ATP8A1: variants seen among roughly 807,000 people sequenced by gnomAD.
ATP8A1 encodes ATPase phospholipid transporting 8A1, also known as phospholipid-transporting ATPase IA.
ATP8A1 carries 90 observed loss-of-function variants against 177.7 expected under a neutral mutation model. That is an observed-to-expected ratio of 0.51 (90% CI 0.43 to 0.60). The LOEUF (loss-of-function observed/expected upper bound fraction) is 0.60. ATP8A1 is among the 20% of genes least tolerant of loss of function. ATP8A1 has a pLI of 0.00. For synonymous variants in ATP8A1, 493 were observed against 485.9 expected (o/e 1.01, Z -0.19); for missense variants, 1,072 against 1,392.8 (o/e 0.77, Z 3.67).
chr4:42,424,183 T>TTTG (rs1468465114), intron 33 of ATP8A1, among the ~76,000 whole-genome samples: 1 of 152,082 alleles, frequency 6.6e-6, no homozygotes, highest in African/African-American at 2.4e-5. Flanking sequence ...ATATCTTGTA[T>TTTG]GTAAAAGCCA....
chr4:42,623,069 C>A (rs1392105697), intron 4 of ATP8A1, among the ~76,000 whole-genome samples: 2 of 148,544 alleles, frequency 1.3e-5, no homozygotes, highest in East Asian at 2.0e-4. Context: ...GGAAGACATA[C>A]ATGCGGCCAG....
At chr4:42,468,438 C>CACAG (rs1720032489) in intron 25 of ATP8A1, among the ~76,000 whole-genome samples, 1 of 151,586 alleles carries the variant, frequency 6.6e-6, no homozygotes, top group Admixed American at 6.6e-5. Context: ...TATACACACA[C>CACAG]ACACACACAC....
At chr4:42,514,492 T>C (rs1725325834) in intron 22 of ATP8A1, among the ~76,000 whole-genome samples, 1 of 152,198 alleles carries the variant, frequency 6.6e-6, no homozygotes, top group Admixed American at 6.5e-5. Flanking sequence ...GAAAAACATA[T>C]TTCCATCTTG....
At chr4:42,504,970 G>T (rs1432169396) in intron 23 of ATP8A1, among the ~76,000 whole-genome samples, 1 of 152,152 alleles carries the variant, frequency 6.6e-6, no homozygotes, top group African/African-American at 2.4e-5. Context: ...TCCTCTTTTA[G>T]GTTGTTCCTC....
chr4:42,640,591 A>G (rs1364830506), intron 1 of ATP8A1, among the ~76,000 whole-genome samples: 1 of 152,192 alleles, frequency 6.6e-6, no homozygotes, highest in Non-Finnish European at 1.5e-5. Flanking sequence ...TGTAGGCCCT[A>G]TTGTTATAAA....
chr4:42,494,454 G>A (rs1338186143), intron 24 of ATP8A1, among the ~76,000 whole-genome samples: 1 of 152,152 alleles, frequency 6.6e-6, no homozygotes, highest in Non-Finnish European at 1.5e-5. Flanking sequence ...CAGACTGGGC[G>A]ACAGAGTGAG....
intron 22 of ATP8A1, among the ~76,000 whole-genome samples, chr4:42,512,445 A>G (rs1361734197): frequency 3.3e-5 from 5 of 152,338 alleles, no homozygotes; most frequent in African/African-American, 7.2e-5. Flanking sequence ...GCACACATGC[A>G]TGCCTGCATT....
At chr4:42,593,297 A>C (rs1379292690) in intron 6 of ATP8A1, among the ~76,000 whole-genome samples, 1 of 152,112 alleles carries the variant, frequency 6.6e-6, no homozygotes, top group Non-Finnish European at 1.5e-5. Flanking sequence ...TTATCCTGAT[A>C]AAGTTATAAG....
In ATP8A1 at chr4:42,616,093, C is replaced by G. The variant is rs1210139271; in HGVS notation, c.364-15G>C. ...TTATGTCGTTTCTAAAGTTTAAAAG[C>G]AAAAAGAACAACTGTGAAAATGTGA... On this transcript the variant is annotated splice_polypyrimidine_tract_variant and intron_variant, in intron 4 of 36. Coordinates refer to ENST00000381668, the MANE Select transcript of ATP8A1 (RefSeq NM_006095.2). The G allele has an allele frequency of 6.2e-7, 1 of 1,605,154 alleles. No individual in the cohort carries two copies. The highest frequency in any genetic ancestry group is 8.5e-7 in the Non-Finnish European group (1 of 1,175,648).
At chr4:42,555,077 TTGTG>T (rs1168901319) in intron 16 of ATP8A1, among the ~76,000 whole-genome samples, 27 of 145,888 alleles carry the variant, frequency 1.9e-4, no homozygotes, top group African/African-American at 6.7e-4. Flanking sequence ...AAACTCCCCT[TTGTG>T]TGTGTATCTA....
intron 23 of ATP8A1, among the ~76,000 whole-genome samples, chr4:42,505,842 T>C (rs1442604284): frequency 6.6e-6 from 1 of 152,212 alleles, no homozygotes; most frequent in Non-Finnish European, 1.5e-5. Flanking sequence ...GTATGTAATA[T>C]ATATGATTAC....
intron 14 of ATP8A1, among the ~76,000 whole-genome samples, chr4:42,569,470 A>T (rs573105962): frequency 2.0e-4 from 30 of 152,204 alleles, no homozygotes; most frequent in Non-Finnish European, 3.7e-4. Flanking sequence ...TTTTATTCAC[A>T]AAGTTCATAA....
intron 35 of ATP8A1, among the ~76,000 whole-genome samples, chr4:42,417,787 G>A (rs776289872): frequency 2.0e-5 from 3 of 152,230 alleles, no homozygotes; most frequent in Non-Finnish European, 1.5e-5. Context: ...TTCATGGAAT[G>A]TTTAATGTAT....
In ATP8A1 at chr4:42,581,187, A is replaced by G. The variant is rs376961824; in HGVS notation, c.834+434T>C. 1.8e-3 allele frequency among the ~76,000 whole-genome samples: 267 copies of G among 151,732 alleles called. 1 individual carries two copies. In the South Asian group the frequency reaches 0.021, roughly 12 times the overall value. On this transcript the variant is annotated intron_variant, in intron 10 of 36. Transcript: ENST00000381668. Reference sequence around the variant, plus strand: ...CTTGCTCTGTTGCCCAGGCTGGAGTACAGTGGCGCGATCTCGGCTCACTGC... The same window carrying G: ...CTTGCTCTGTTGCCCAGGCTGGAGTGCAGTGGCGCGATCTCGGCTCACTGC...
chr4:42,590,689 G>C, intron 7 of ATP8A1, 122 bp downstream of exon 7: 1 of 810,576 alleles, frequency 1.2e-6, no homozygotes, highest in Non-Finnish European at 2.1e-6. Context: ...TCACCAAGCA[G>C]TATAAAAAGT....
intron 24 of ATP8A1, among the ~76,000 whole-genome samples, chr4:42,491,779 C>T (rs961147285): frequency 6.6e-6 from 1 of 152,164 alleles, no homozygotes; most frequent in Non-Finnish European, 1.5e-5. Flanking sequence ...CTGCAGAAAG[C>T]ACCTGCATAA....
Position 42,435,426 on chromosome 4 carries a change from C to CAAAAA in ATP8A1, c.3123+8134_3123+8138dup, listed in dbSNP as rs55945370. Among the ~76,000 whole-genome samples, 335 of 93,864 alleles carry CAAAAA rather than the reference C, an allele frequency of 3.6e-3. 13 individuals carry two copies. The highest frequency in any genetic ancestry group is 5.6e-3 in the African/African-American group (148 of 26,652). The allele number at this position is 93,864 out of a possible 152,430, so 61.6% of individuals were successfully genotyped here. ...GGGGGACAAGAGCGAGACTTCATCTCAAAAAAAAAAAAAAAAAAAAAAACA... is the reference window on the plus strand; with the variant it reads ...GGGGGACAAGAGCGAGACTTCATCTCAAAAAAAAAAAAAAAAAAAAAAAAAAAACA... On this transcript the variant is annotated intron_variant, in intron 33 of 36. Coordinates refer to ENST00000381668, the MANE Select transcript of ATP8A1 (RefSeq NM_006095.2).
intron 16 of ATP8A1, among the ~76,000 whole-genome samples, chr4:42,555,035 T>C (rs938015054): frequency 1.3e-5 from 2 of 152,078 alleles, no homozygotes; most frequent in Non-Finnish European, 2.9e-5. Flanking sequence ...AGATGGCCTA[T>C]TGTGGGATTG....
At chr4:42,653,365 T>C (rs1741306037) in intron 1 of ATP8A1, among the ~76,000 whole-genome samples, 2 of 152,126 alleles carry the variant, frequency 1.3e-5, no homozygotes, top group Non-Finnish European at 2.9e-5. Context: ...CACTAGAAAG[T>C]AAGCACCTCC....
Sources: gnomAD v4.1 joint callset for allele counts (sites outside exome capture counted in the v4.1 genomes callset) on GRCh38, gnomAD v4.1.1 for gene constraint, MANE v1.5 for transcripts, NCBI Gene and HGNC (gene_info 2026-07-23, HGNC 2026-07-21) for gene names.